The following CDH12 variants were observed in gnomAD, a reference collection of about 807,000 sequenced individuals.
CDH12 encodes cadherin-12.
Under a neutral mutation model 74.1 loss-of-function variants are expected in CDH12, and 41 were observed. The observed-to-expected ratio is 0.55, with a 90% CI of 0.43 to 0.72. CDH12 has a LOEUF of 0.72. CDH12 is among the 30% of genes least tolerant of loss of function. The pLI is 0.00. For missense variants in CDH12, 945 were observed against 977.2 expected, an observed-to-expected ratio of 0.97 and a Z score of 0.44; for synonymous variants, 399 against 355.0, an observed-to-expected ratio of 1.12 and a Z score of -1.39.
intron 4 of CDH12, among the ~76,000 whole-genome samples, chr5:22,080,068 C>T (rs1354814257): frequency 6.6e-6 from 1 of 152,112 alleles, no homozygotes; most frequent in Non-Finnish European, 1.5e-5. Context: ...GCATTTGGCA[C>T]TAGGGTCACA....
intron 7 of CDH12, 35 bp downstream of exon 7, chr5:21,854,636 G>A: frequency 3.9e-6 from 6 of 1,548,306 alleles, no homozygotes; most frequent in Non-Finnish European, 5.3e-6. Flanking sequence ...TATTTGAAGG[G>A]CTGGTGATAA....
At chr5:22,477,755 A>C (rs1016951823) in intron 2 of CDH12, among the ~76,000 whole-genome samples, 2 of 152,168 alleles carry the variant, frequency 1.3e-5, no homozygotes, top group African/African-American at 2.4e-5. Context: ...AAAAGCGGCC[A>C]ACAACAAAAA....
chr5:22,357,332 G>C (rs199671873), intron 3 of CDH12, among the ~76,000 whole-genome samples: 1 of 152,048 alleles, frequency 6.6e-6, no homozygotes, highest in African/African-American at 2.4e-5. Context: ...GACAGTTGAT[G>C]ACTATTTTCA....
chr5:22,127,222 G>A (rs1489785206), intron 4 of CDH12, among the ~76,000 whole-genome samples: 5 of 152,172 alleles, frequency 3.3e-5, no homozygotes, highest in Middle Eastern at 3.4e-3. Context: ...GGCTGGGCAC[G>A]GTGGCTCAAG....
At chr5:22,723,890 A>C (rs1744025132) in intron 1 of CDH12, among the ~76,000 whole-genome samples, 2 of 152,042 alleles carry the variant, frequency 1.3e-5, no homozygotes, top group Non-Finnish European at 2.9e-5. Flanking sequence ...CACTCAGCTC[A>C]TAGGGTTATA....
chr5:22,335,993 C>T (rs2197340), intron 3 of CDH12, among the ~76,000 whole-genome samples: 4,952 of 152,096 alleles, frequency 0.033, 265 homozygotes, highest in African/African-American at 0.11. Flanking sequence ...GACCAAAAGC[C>T]TGACAGCAAC....
At chr5:22,835,740 CA>C (rs1736791251) in intron 1 of CDH12, among the ~76,000 whole-genome samples, 1 of 152,148 alleles carries the variant, frequency 6.6e-6, no homozygotes, top group Non-Finnish European at 1.5e-5. Context: ...CTCACTCATC[CA>C]AAGTCAACTG....
intron 1 of CDH12, among the ~76,000 whole-genome samples, chr5:22,609,355 T>C (rs796508276): frequency 9.8e-5 from 15 of 152,324 alleles, no homozygotes; most frequent in African/African-American, 3.4e-4. Flanking sequence ...ATATGTTCTC[T>C]CTTTGTATTC....
intron 3 of CDH12, among the ~76,000 whole-genome samples, chr5:22,353,745 T>C (rs926845242): frequency 2.0e-5 from 3 of 152,122 alleles, no homozygotes; most frequent in Non-Finnish European, 4.4e-5. Flanking sequence ...TCTTTTTTCT[T>C]CATCTCAATT....
At chr5:22,694,277 A>G (rs1399660873) in intron 1 of CDH12, among the ~76,000 whole-genome samples, 1 of 152,162 alleles carries the variant, frequency 6.6e-6, no homozygotes, top group African/African-American at 2.4e-5. Context: ...AAAATAACAA[A>G]TTGCTTTTGA....
At chr5:22,682,182 A>G (rs750238532) in intron 1 of CDH12, among the ~76,000 whole-genome samples, 36 of 152,096 alleles carry the variant, frequency 2.4e-4, no homozygotes, top group Non-Finnish European at 5.0e-4. Flanking sequence ...AGGAGAACTT[A>G]GTTCAGCTGT....
chr5:22,601,930 A>G (rs1052376932), intron 1 of CDH12, among the ~76,000 whole-genome samples: 1 of 152,136 alleles, frequency 6.6e-6, no homozygotes, highest in Non-Finnish European at 1.5e-5. Flanking sequence ...GATGGCAATC[A>G]TACAACAATT....
At chr5:21,891,556 T>TGAA (rs1404709943) in intron 6 of CDH12, among the ~76,000 whole-genome samples, 1 of 66,852 alleles carries the variant, frequency 1.5e-5, no homozygotes, top group African/African-American at 3.7e-5. Context: ...CTCTTTCCTG[T>TGAA]GAATACACAC....
chr5:21,905,746 CTA>C (rs34300234), intron 6 of CDH12, among the ~76,000 whole-genome samples: 111,155 of 151,942 alleles, frequency 0.73, 43,248 homozygotes, highest in Non-Finnish European at 0.86. Context: ...TCATCAATTA[CTA>C]TGTTTAAAGT....
intron 1 of CDH12, among the ~76,000 whole-genome samples, chr5:22,625,042 C>A (rs1235595888): frequency 6.6e-6 from 1 of 152,242 alleles, no homozygotes; most frequent in East Asian, 1.9e-4. Context: ...CTATCATTCT[C>A]AGCAAACTAT....
rs1743138112 is a variant in CDH12, at chr5:22,410,748, C to T, written c.-427-5397G>A. 2.6e-5 allele frequency among the ~76,000 whole-genome samples: 4 copies of T among 151,928 alleles called. No individual in the cohort carries two copies. In the South Asian group the frequency reaches 8.3e-4, roughly 31 times the overall value. Reference sequence around the variant, plus strand: ...TTTCAATAAAGAACATAATGCTAGACATGAAGAAGATTATTCTTTAAAAAA... The same window carrying T: ...TTTCAATAAAGAACATAATGCTAGATATGAAGAAGATTATTCTTTAAAAAA... On this transcript the variant is annotated intron_variant, in intron 2 of 14. Transcript: ENST00000382254.
At chr5:21,774,104 G>C (rs769222566) in intron 11 of CDH12, among the ~76,000 whole-genome samples, 4 of 152,046 alleles carry the variant, frequency 2.6e-5, no homozygotes, top group Non-Finnish European at 5.9e-5. Flanking sequence ...TTGTTCCTGG[G>C]TGTGTCCGTG....
intron 4 of CDH12, among the ~76,000 whole-genome samples, chr5:22,091,065 G>A (rs1743393037): frequency 6.6e-6 from 1 of 151,616 alleles, no homozygotes; most frequent in African/African-American, 2.4e-5. Context: ...ACATTCTAAT[G>A]GAGGTTTTAT....
chr5:22,005,004 C>T (rs184575870), intron 5 of CDH12, among the ~76,000 whole-genome samples: 1 of 152,036 alleles, frequency 6.6e-6, no homozygotes, highest in East Asian at 1.9e-4. Context: ...GTATATGTAC[C>T]ATATTTTCTT....
Sources: gnomAD v4.1 joint callset for allele counts (sites outside exome capture counted in the v4.1 genomes callset) on GRCh38, gnomAD v4.1.1 for gene constraint, MANE v1.5 for transcripts, NCBI Gene and HGNC (gene_info 2026-07-23, HGNC 2026-07-21) for gene names.